CLEC16A: variants seen among roughly 807,000 people sequenced by gnomAD.
CLEC16A encodes the protein protein CLEC16A.
CLEC16A carries 51 observed loss-of-function variants against 109.5 expected under a neutral mutation model. The ratio of observed to expected loss-of-function variants is 0.47; its 90% confidence interval spans 0.37 to 0.59. CLEC16A has a LOEUF of 0.59. Ranked by LOEUF, CLEC16A falls within the 20% of genes least tolerant of loss-of-function variation. The pLI is 0.00. For synonymous variants in CLEC16A, 673 were observed against 564.2 expected, an observed-to-expected ratio of 1.19 and a Z score of -2.73; for missense variants, 1,339 against 1,394.0, an observed-to-expected ratio of 0.96 and a Z score of 0.63.
intron 3 of CLEC16A, among the ~76,000 whole-genome samples, chr16:10,967,980 G>C (rs1382260570): frequency 6.6e-6 from 1 of 152,252 alleles, no homozygotes; most frequent in African/African-American, 2.4e-5. Flanking sequence ...GGTCTGACAA[G>C]CTCCGGGGTT....
intron 4 of CLEC16A, 100 bp from the exon 5 acceptor site, chr16:10,971,025 T>C (rs982315076): frequency 3.6e-6 from 2 of 548,154 alleles, no homozygotes; most frequent in African/African-American, 4.4e-5. Context: ...TTTTTTTTTT[T>C]GTCTTTTTCT....
chr16:10,993,236 G>A (rs910106282), intron 10 of CLEC16A, among the ~76,000 whole-genome samples: 3 of 152,084 alleles, frequency 2.0e-5, no homozygotes, highest in East Asian at 1.9e-4. Context: ...AAAATTAACC[G>A]GGCGTGATGA....
At chr16:11,063,689 GGT>G (rs2048613155) in intron 19 of CLEC16A, among the ~76,000 whole-genome samples, 1 of 152,152 alleles carries the variant, frequency 6.6e-6, no homozygotes, top group South Asian at 2.1e-4. Flanking sequence ...ACCAGCAGCA[GGT>G]CTCTCGGCTG....
intron 22 of CLEC16A, chr16:11,156,736 G>A (rs977068027): frequency 1.7e-6 from 2 of 1,169,474 alleles, no homozygotes; most frequent in East Asian, 1.2e-4. Flanking sequence ...TGGGTCCTTG[G>A]GAATCAAGCC....
At chr16:11,032,911 T>C (rs1429746222) in intron 13 of CLEC16A, among the ~76,000 whole-genome samples, 1 of 152,076 alleles carries the variant, frequency 6.6e-6, no homozygotes, top group African/African-American at 2.4e-5. Flanking sequence ...TACCGAATTT[T>C]TAAGTAGGAC....
chr16:10,983,777 C>A (rs1489923203), intron 10 of CLEC16A, among the ~76,000 whole-genome samples: 1 of 152,140 alleles, frequency 6.6e-6, no homozygotes, highest in Non-Finnish European at 1.5e-5. Context: ...GCATGTCCAG[C>A]ATTTGTGCCT....
chr16:10,984,588 G>C (rs2043515314), intron 10 of CLEC16A, among the ~76,000 whole-genome samples: 1 of 152,230 alleles, frequency 6.6e-6, no homozygotes, highest in South Asian at 2.1e-4. Flanking sequence ...TGTTTGGTGA[G>C]AGGCTTTGGC....
chr16:11,039,008 A>T (rs139628398), intron 13 of CLEC16A, among the ~76,000 whole-genome samples: 2 of 152,150 alleles, frequency 1.3e-5, no homozygotes, highest in African/African-American at 4.8e-5. Flanking sequence ...GTTGGGGATG[A>T]CTGTATTTCC....
At chr16:11,077,826 G>A (rs1180753638) in intron 19 of CLEC16A, among the ~76,000 whole-genome samples, 1 of 151,904 alleles carries the variant, frequency 6.6e-6, no homozygotes, top group Non-Finnish European at 1.5e-5. Flanking sequence ...TTTAAGAAAT[G>A]TACAGAATAT....
In CLEC16A at chr16:10,957,500, C is replaced by T. The variant is rs200283264; in HGVS notation, c.81-282C>T. On this transcript the variant is annotated intron_variant, in intron 1 of 23. Coordinates refer to ENST00000409790, the MANE Select transcript of CLEC16A (RefSeq NM_015226.3). ...GGAGCCCCCACTTGATTCAGTTCTCCGGGTGGTTCTCTTGCACACTGCAGT... is the reference window on the plus strand; with the variant it reads ...GGAGCCCCCACTTGATTCAGTTCTCTGGGTGGTTCTCTTGCACACTGCAGT... Among the ~76,000 whole-genome samples the T allele has an allele frequency of 7.9e-5, 12 of 152,178 alleles. No homozygotes were observed. In the East Asian group the frequency reaches 1.7e-3, roughly 22 times the overall value.
chr16:11,149,665 G>A (rs991482470), intron 22 of CLEC16A, among the ~76,000 whole-genome samples: 4 of 151,902 alleles, frequency 2.6e-5, no homozygotes, highest in Admixed American at 6.6e-5. Flanking sequence ...GGTGCCCACC[G>A]GTAATCCCAG....
intron 3 of CLEC16A, among the ~76,000 whole-genome samples, chr16:10,963,672 G>A (rs1015961789): frequency 2.6e-5 from 4 of 152,150 alleles, no homozygotes; most frequent in African/African-American, 9.7e-5. Flanking sequence ...TTCGTCATCC[G>A]TAATAACCAC....
chr16:11,010,853 T>C (rs2045363309), intron 11 of CLEC16A, among the ~76,000 whole-genome samples: 1 of 152,238 alleles, frequency 6.6e-6, no homozygotes, highest in African/African-American at 2.4e-5. Flanking sequence ...TGACTTTTTT[T>C]TGAGGAATAC....
intron 10 of CLEC16A, among the ~76,000 whole-genome samples, chr16:10,991,416 T>C (rs1596930006): frequency 1.0e-5 from 1 of 98,330 alleles, no homozygotes; most frequent in Non-Finnish European, 1.8e-5. Context: ...AGAGCAAGAC[T>C]CCGTCTCAAA....
intron 2 of CLEC16A, among the ~76,000 whole-genome samples, chr16:10,959,662 G>A (rs913532829): frequency 6.6e-6 from 1 of 152,042 alleles, no homozygotes; most frequent in Non-Finnish European, 1.5e-5. Flanking sequence ...TAAGTGCTGG[G>A]ATTACAGGCA....
chr16:11,130,859 C>T (rs1346794793), intron 22 of CLEC16A, among the ~76,000 whole-genome samples: 1 of 152,186 alleles, frequency 6.6e-6, no homozygotes, highest in East Asian at 1.9e-4. Context: ...TATCTGCGGG[C>T]CCAGGTAATT....
chr16:10,981,243 A>G (rs1256077025), intron 9 of CLEC16A, among the ~76,000 whole-genome samples: 1 of 152,222 alleles, frequency 6.6e-6, no homozygotes, highest in African/African-American at 2.4e-5. Context: ...TACGTAACGG[A>G]TATTTGAGAA....
In CLEC16A at chr16:10,961,685, A is replaced by T. The variant is rs1395454740; in HGVS notation, c.210-770A>T. 6.6e-6 allele frequency among the ~76,000 whole-genome samples: 1 copy of T among 152,218 alleles called. No individual in the cohort carries two copies. Among genetic ancestry groups the T allele is most frequent in the African/African-American group, 2.4e-5 (1 of 41,448 alleles). On this transcript the variant is annotated intron_variant, in intron 2 of 23. Transcript: ENST00000409790. The surrounding 1 kb of genome is among the most constrained non-coding windows in gnomAD (Gnocchi z 4.3). ...GTTAGTAGGGTTTCTCCACCACATC[A>T]GTACCTGTGTATTTCTTTCTAGTTA... is the stretch of plus-strand genomic sequence containing the variant.
rs1597651099 is a variant in CLEC16A at position 11,178,776 on chromosome 16, C to T, written c.*86C>T. The stretch of plus-strand genomic sequence containing the variant: ...GACTGGCAAGACACACTGGGAGCAC[C>T]CACCATTCTGTGCGGCCCCCAGCAG... On this transcript the variant is annotated 3_prime_UTR_variant, in exon 24 of 24. Coordinates refer to ENST00000409790, the MANE Select transcript of CLEC16A (RefSeq NM_015226.3). This position sits in a 1 kb window ranked among gnomAD's most constrained non-coding sequence, Gnocchi z 6.5. 3.7e-6 allele frequency: 4 copies of T among 1,085,078 alleles called. No homozygotes were observed. The East Asian group carries it at 7.9e-5, about 21-fold the overall frequency. The allele number at this position is 1,085,078 out of a possible 1,614,324, so 67.2% of individuals were successfully genotyped here. A position where few individuals can be genotyped will look rare whatever the true frequency, so the allele number is the denominator to read the frequency against.
Sources: gnomAD v4.1 joint callset for allele counts (sites outside exome capture counted in the v4.1 genomes callset) on GRCh38, gnomAD v4.1.1 for gene constraint, Gnocchi (gnomAD v3.1) non-coding constraint, MANE v1.5 for transcripts, NCBI Gene and HGNC (gene_info 2026-07-23, HGNC 2026-07-21) for gene names.